The following DPP6 variants were observed in gnomAD, a reference collection of about 807,000 sequenced individuals.
DPP6 encodes dipeptidyl peptidase like 6.
In DPP6, 69 loss-of-function variants were observed where a neutral mutation model predicts 122.6. That is an observed-to-expected ratio of 0.56 (90% CI 0.46 to 0.69). The LOEUF is 0.69. DPP6 is among the 30% of genes least tolerant of loss of function. DPP6 has a pLI of 0.00. For synonymous variants in DPP6, 418 were observed against 433.1 expected (o/e 0.97, Z 0.43); for missense variants, 928 against 1,116.9 (o/e 0.83, Z 2.41).
At chr7:153,996,805 T>C (rs2129044375) in intron 1 of DPP6, among the ~76,000 whole-genome samples, 1 of 152,306 alleles carries the variant, frequency 6.6e-6, no homozygotes, top group South Asian at 2.1e-4. Context: ...AAGATAGATA[T>C]TCAGAGTGGT....
At chr7:153,979,228 G>A (rs1436461746) in intron 1 of DPP6, among the ~76,000 whole-genome samples, 1 of 152,062 alleles carries the variant, frequency 6.6e-6, no homozygotes, top group Non-Finnish European at 1.5e-5. Context: ...CTTGAGAAGT[G>A]GTTTGTAGTT....
chr7:153,871,657 T>A, the DPP6 span, among the ~76,000 whole-genome samples: 173 of 152,274 alleles, frequency 1.1e-3, no homozygotes, highest in African/African-American at 3.8e-3. Flanking sequence ...GCACCCACTG[T>A]CCTGCACCCA....
intron 1 of DPP6, among the ~76,000 whole-genome samples, chr7:154,015,998 C>A (rs1330552289): frequency 6.6e-6 from 1 of 152,202 alleles, no homozygotes; most frequent in Non-Finnish European, 1.5e-5. Flanking sequence ...TCCCTGCACA[C>A]TCCATGCTCT....
intron 19 of DPP6, among the ~76,000 whole-genome samples, chr7:154,873,140 G>C (rs1804535025): frequency 6.6e-6 from 1 of 152,224 alleles, no homozygotes; most frequent in African/African-American, 2.4e-5. Flanking sequence ...AATTTTTTCA[G>C]CTCTTTCTTA....
rs919935717 is a variant in DPP6, at chr7:154,875,330, C to T, written c.1884-576C>T. On this transcript the variant is annotated intron_variant, in intron 19 of 25. Coordinates refer to ENST00000377770, the MANE Select transcript of DPP6 (RefSeq NM_130797.4). This position sits in a 1 kb window ranked among gnomAD's most constrained non-coding sequence, Gnocchi z 4.5. ...GGGAGGAGAGCACAGTGGGAGCCGC[C>T]AGCCCAGGTCGGAGGCCACACTGCC... 6.6e-6 allele frequency among the ~76,000 whole-genome samples: 1 copy of T among 152,176 alleles called. No homozygotes were observed. Among genetic ancestry groups the T allele is most frequent in the Non-Finnish European group, 1.5e-5 (1 of 68,032 alleles).
chr7:154,216,721 C>G (rs1003505355), intron 1 of DPP6, among the ~76,000 whole-genome samples: 4 of 152,048 alleles, frequency 2.6e-5, no homozygotes, highest in South Asian at 2.1e-4. Flanking sequence ...GACAGCTCAT[C>G]TTCATTCGTG....
intron 1 of DPP6, among the ~76,000 whole-genome samples, chr7:154,266,008 T>C (rs1164021654): frequency 6.6e-6 from 1 of 152,172 alleles, no homozygotes; most frequent in Non-Finnish European, 1.5e-5. Flanking sequence ...CAAACCATGG[T>C]GAGACATTGT....
At chr7:154,052,111 G>T (rs1471698028), upstream of DPP6, among the ~76,000 whole-genome samples, 1 of 107,432 alleles carries the variant, frequency 9.3e-6, no homozygotes, top group Admixed American at 9.0e-5. The surrounding 1 kb of genome is among the most constrained non-coding windows in gnomAD (Gnocchi z 4.8). Context: ...CTCGCGTGCT[G>T]CGGGGCACTC....
chr7:154,229,249 G>A (rs961292273), intron 1 of DPP6, among the ~76,000 whole-genome samples: 2 of 152,126 alleles, frequency 1.3e-5, no homozygotes, highest in Admixed American at 6.5e-5. Flanking sequence ...TGCTAAGGTT[G>A]TACTTTGTGT....
chr7:154,647,112 C>T (rs4275191), intron 6 of DPP6, among the ~76,000 whole-genome samples: 22,495 of 152,124 alleles, frequency 0.15, 1,958 homozygotes, highest in African/African-American at 0.25. Flanking sequence ...TGGTTAATCA[C>T]TGGAGGAAAT....
chr7:154,580,184 TACTCTCCCTCCCCCTTACACAC>T (rs1831965512), intron 5 of DPP6, among the ~76,000 whole-genome samples: 1 of 132,068 alleles, frequency 7.6e-6, no homozygotes. Context: ...CATGCACACA[TACTCTCCCTCCCCCTTACACAC>T]ACACACATAC....
intron 5 of DPP6, among the ~76,000 whole-genome samples, chr7:154,622,245 G>A (rs1834736338): frequency 6.6e-6 from 1 of 152,122 alleles, no homozygotes; most frequent in African/African-American, 2.4e-5. Flanking sequence ...TAGCGACAAT[G>A]GCACTACATT....
intron 1 of DPP6, among the ~76,000 whole-genome samples, chr7:154,428,917 T>C (rs767498671): frequency 2.0e-5 from 3 of 152,124 alleles, no homozygotes; most frequent in African/African-American, 7.2e-5. Context: ...GTTAAGATGA[T>C]GGGTGCACTA....
chr7:154,733,774 AG>A (rs1351326357), intron 8 of DPP6, among the ~76,000 whole-genome samples: 1 of 152,218 alleles, frequency 6.6e-6, no homozygotes, highest in African/African-American at 2.4e-5. Flanking sequence ...TGTTTTCCAC[AG>A]GGGGCACATT....
chr7:153,898,879 T>A (rs1208644087), intron 1 of DPP6, among the ~76,000 whole-genome samples: 1 of 152,208 alleles, frequency 6.6e-6, no homozygotes. Context: ...TTTCTGTGCT[T>A]TGCTGGTTTG....
chr7:154,451,553 C>A (rs1346043462), intron 2 of DPP6, among the ~76,000 whole-genome samples: 1 of 152,130 alleles, frequency 6.6e-6, no homozygotes, highest in Non-Finnish European at 1.5e-5. Context: ...CTCCCTCCAG[C>A]ACAGCAGCTG....
chr7:154,855,772 G>T (rs538254198), intron 17 of DPP6, among the ~76,000 whole-genome samples: 3 of 152,318 alleles, frequency 2.0e-5, no homozygotes, highest in African/African-American at 7.2e-5. Context: ...TCTTTAGGTG[G>T]AATTTTCCCT....
chr7:154,198,721 A>G (rs1799005258), intron 1 of DPP6, among the ~76,000 whole-genome samples: 1 of 152,246 alleles, frequency 6.6e-6, no homozygotes. Context: ...CAACTGGATT[A>G]ACCATTGTTA....
At chr7:153,889,106 G>T (rs892291848) in intron 1 of DPP6, among the ~76,000 whole-genome samples, 2 of 152,142 alleles carry the variant, frequency 1.3e-5, no homozygotes, top group Non-Finnish European at 2.9e-5. Context: ...AAGACACCTC[G>T]CAGGGAAGTA....
Sources: allele counts gnomAD v4.1 joint callset (sites outside exome capture counted in the v4.1 genomes callset), GRCh38; gene constraint gnomAD v4.1.1; non-coding constraint Gnocchi (gnomAD v3.1); transcripts MANE v1.5; gene names NCBI Gene and HGNC (gene_info 2026-07-23, HGNC 2026-07-21).